The following PLCB1 variants were observed in gnomAD, a reference collection of about 807,000 sequenced individuals.
PLCB1 encodes phospholipase C beta 1.
PLCB1 carries 46 observed loss-of-function variants against 161.8 expected under a neutral mutation model. The ratio of observed to expected loss-of-function variants is 0.28; its 90% confidence interval spans 0.22 to 0.36. The LOEUF (loss-of-function observed/expected upper bound fraction) is 0.36, where lower values mean the gene tolerates loss of function less well. Ranked by LOEUF, PLCB1 falls within the 10% of genes least tolerant of loss-of-function variation. PLCB1 has a pLI of 1.00. For synonymous variants in PLCB1, 517 were observed against 503.7 expected (o/e 1.03, Z -0.35); for missense variants, 1,016 against 1,472.5 (o/e 0.69, Z 5.07).
chr20:8,415,624 TGG>T (rs1394939812), intron 3 of PLCB1, among the ~76,000 whole-genome samples: 4 of 152,138 alleles, frequency 2.6e-5, no homozygotes, highest in Non-Finnish European at 5.9e-5. Flanking sequence ...CAACCCCTCT[TGG>T]GGCCATCTGA....
chr20:8,228,921 T>G (rs542600314), intron 2 of PLCB1, among the ~76,000 whole-genome samples: 61 of 152,218 alleles, frequency 4.0e-4, no homozygotes, highest in Middle Eastern at 3.4e-3. Flanking sequence ...GTCTTATATA[T>G]ATTTGAAAAT....
At chr20:8,257,096 C>G (rs185848785) in intron 2 of PLCB1, among the ~76,000 whole-genome samples, 1 of 152,086 alleles carries the variant, frequency 6.6e-6, no homozygotes, top group Non-Finnish European at 1.5e-5. Flanking sequence ...CCAGAGATAC[C>G]TCTAAAAGTT....
intron 2 of PLCB1, among the ~76,000 whole-genome samples, chr20:8,265,597 A>G (rs1981916146): frequency 6.6e-6 from 1 of 152,176 alleles, no homozygotes; most frequent in African/African-American, 2.4e-5. Context: ...TCAAATTTAT[A>G]TCTTAATGTG....
At chr20:8,652,337 A>G (rs1387941555) in intron 7 of PLCB1, 2 of 152,164 alleles carry the variant, frequency 1.3e-5, no homozygotes, top group Non-Finnish European at 2.9e-5. Context: ...ATTATTATTC[A>G]TAGTAAAGTA....
At chr20:8,468,607 A>C (rs1167299793) in intron 3 of PLCB1, among the ~76,000 whole-genome samples, 1 of 152,164 alleles carries the variant, frequency 6.6e-6, no homozygotes, top group Non-Finnish European at 1.5e-5. Flanking sequence ...CTGATTCAAA[A>C]CATTTCCTGC....
At chr20:8,199,725 A>G (rs185183216) in intron 2 of PLCB1, among the ~76,000 whole-genome samples, 7 of 152,300 alleles carry the variant, frequency 4.6e-5, no homozygotes, top group Non-Finnish European at 1.0e-4. Flanking sequence ...TGCTTAAAAT[A>G]TTACTTCTGA....
chr20:8,756,187 A>G (rs1488737647), intron 23 of PLCB1, among the ~76,000 whole-genome samples: 1 of 152,204 alleles, frequency 6.6e-6, no homozygotes, highest in African/African-American at 2.4e-5. Context: ...ACTCTGTGCC[A>G]GAAACAATTC....
intron 2 of PLCB1, among the ~76,000 whole-genome samples, chr20:8,348,002 G>C (rs1452808298): frequency 6.6e-6 from 1 of 152,126 alleles, no homozygotes; most frequent in Admixed American, 6.5e-5. Flanking sequence ...AAAGAGCCTG[G>C]CTTCTTAAGA....
intron 3 of PLCB1, among the ~76,000 whole-genome samples, chr20:8,477,188 T>C (rs1249343462): frequency 6.6e-6 from 1 of 151,744 alleles, no homozygotes; most frequent in Non-Finnish European, 1.5e-5. Context: ...CCCCTCCAGA[T>C]CTACTGAAGT....
In PLCB1 at chr20:8,716,411, G is replaced by A. The variant is rs565380808; in HGVS notation, c.1335+63G>A. On this transcript the variant is annotated intron_variant, in intron 13 of 31. Coordinates refer to ENST00000338037, the MANE Select transcript of PLCB1 (RefSeq NM_015192.4). ...GCATTATTGATGAATGAGGTTGAGG[G>A]AAAACTTACTTCCTTTTCATATTTA... 80 of 1,154,868 alleles carry A rather than the reference G, an allele frequency of 6.9e-5. No individual in the cohort carries two copies. In the African/African-American group the frequency reaches 1.1e-3, roughly 15 times the overall value. 71.5% of individuals were successfully genotyped at this position (1,154,868 alleles called of 1,614,324 possible). A position where few individuals can be genotyped will look rare whatever the true frequency, so the allele number is the denominator to read the frequency against.
At chr20:8,869,116 C>A (rs1292012430) in intron 31 of PLCB1, among the ~76,000 whole-genome samples, 1 of 152,150 alleles carries the variant, frequency 6.6e-6, no homozygotes, top group African/African-American at 2.4e-5. Context: ...TCTTCAAAGA[C>A]TTAGAACATC....
At chr20:8,743,576 G>T (rs1980995097) in intron 23 of PLCB1, among the ~76,000 whole-genome samples, 2 of 151,998 alleles carry the variant, frequency 1.3e-5, no homozygotes, top group South Asian at 4.1e-4. Context: ...CCTCCCTGCA[G>T]TTTTTTCCTG....
chr20:8,478,125 T>C (rs570646291), intron 3 of PLCB1, among the ~76,000 whole-genome samples: 4 of 152,348 alleles, frequency 2.6e-5, no homozygotes, highest in Admixed American at 2.6e-4. Flanking sequence ...GTGGTAGCAT[T>C]CTTTATCACT....
chr20:8,354,957 A>G (rs1443785617), intron 2 of PLCB1, among the ~76,000 whole-genome samples: 1 of 152,170 alleles, frequency 6.6e-6, no homozygotes, highest in East Asian at 1.9e-4. Context: ...CGCTTGCTAT[A>G]AATTCATGGG....
chr20:8,539,454 G>T (rs1985184424), intron 3 of PLCB1, among the ~76,000 whole-genome samples: 1 of 152,144 alleles, frequency 6.6e-6, no homozygotes, highest in Non-Finnish European at 1.5e-5. Context: ...GATTCTATGT[G>T]TAATCATGAT....
At position 8,569,461 on chromosome 20, in the gene PLCB1, T is replaced by C. The variant is rs988377876; in HGVS notation, c.247-58833T>C. On this transcript the variant is annotated intron_variant, in intron 3 of 31. Transcript: ENST00000338037. ...TAATATGGCAGGGTACTGTTGGTAC[T>C]AAGAATATTATTTTTAAAAGCCACT... Among the ~76,000 whole-genome samples, 25 of 152,170 alleles carry C rather than the reference T, an allele frequency of 1.6e-4. 1 individual carries two copies. Among genetic ancestry groups the C allele is most frequent in the Non-Finnish European group, 3.5e-4 (24 of 68,034 alleles).
chr20:8,431,805 A>C (rs1285998090), intron 3 of PLCB1, among the ~76,000 whole-genome samples: 1 of 152,172 alleles, frequency 6.6e-6, no homozygotes, highest in Admixed American at 6.5e-5. Flanking sequence ...ATTAGCTAAA[A>C]TTTAAAATTT....
At chr20:8,239,896 G>T (rs1336959606) in intron 2 of PLCB1, among the ~76,000 whole-genome samples, 1 of 151,922 alleles carries the variant, frequency 6.6e-6, no homozygotes, top group Non-Finnish European at 1.5e-5. Context: ...CAGCTCTAAG[G>T]TTTTGGGTAC....
chr20:8,281,927 C>T (rs1982893552), intron 2 of PLCB1, among the ~76,000 whole-genome samples: 1 of 151,970 alleles, frequency 6.6e-6, no homozygotes, highest in African/African-American at 2.4e-5. Context: ...AACTCCCTAT[C>T]ATATTCATTA....
Sources: gnomAD v4.1 joint callset for allele counts (sites outside exome capture counted in the v4.1 genomes callset) on GRCh38, gnomAD v4.1.1 for gene constraint, MANE v1.5 for transcripts, NCBI Gene and HGNC (gene_info 2026-07-23, HGNC 2026-07-21) for gene names.